The following CTNNBL1 variants were observed in gnomAD, a reference collection of about 807,000 sequenced individuals.
The protein encoded by CTNNBL1 is catenin beta like 1, also known as beta-catenin-like protein 1.
CTNNBL1 carries 31 observed loss-of-function variants against 72.7 expected under a neutral mutation model. The ratio of observed to expected loss-of-function variants is 0.43; its 90% CI spans 0.32 to 0.58. The LOEUF (loss-of-function observed/expected upper bound fraction) is 0.58. Ranked by LOEUF, CTNNBL1 falls within the 20% of genes least tolerant of loss-of-function variation. CTNNBL1 has a pLI of 0.08. For missense variants in CTNNBL1, 534 were observed against 725.1 expected, an observed-to-expected ratio of 0.74 and a Z score of 3.03; for synonymous variants, 240 against 267.3, an observed-to-expected ratio of 0.90 and a Z score of 1.00.
At chr20:37,763,680 C>A (rs115609774) in intron 5 of CTNNBL1, among the ~76,000 whole-genome samples, 1,811 of 152,156 alleles carry the variant, frequency 0.012, 39 homozygotes, top group African/African-American at 0.041. Context: ...TGGATGAGAT[C>A]GTTTCCTTCT....
chr20:37,743,031 C>T lies in CTNNBL1; in HGVS notation c.327-3437C>T, dbSNP rs62208406. 2.9e-3 allele frequency among the ~76,000 whole-genome samples: 448 copies of T among 152,080 alleles called. 1 individual carries two copies. The highest frequency in any genetic ancestry group is 4.5e-3 in the Non-Finnish European group (307 of 67,974). Reference sequence around the variant, plus strand: ...GTTGGCCAGGCAGGTCTCAAACTCCCGACCTCAAGTGACCCGCCCACCTTG... The same window carrying T: ...GTTGGCCAGGCAGGTCTCAAACTCCTGACCTCAAGTGACCCGCCCACCTTG... On this transcript the variant is annotated intron_variant, in intron 3 of 15. Coordinates refer to ENST00000361383, the MANE Select transcript of CTNNBL1 (RefSeq NM_030877.5).
chr20:37,694,061 C>A lies in CTNNBL1; in HGVS notation c.-62C>A. 2 of 1,565,726 alleles carry A rather than the reference C, an allele frequency of 1.3e-6. No individual in the cohort carries two copies. The highest frequency in any genetic ancestry group is 1.7e-6 in the Non-Finnish European group (2 of 1,152,054). On this transcript the variant is annotated 5_prime_UTR_variant, in exon 1 of 16. It adds an upstream start codon to the 5' untranslated region. Transcript: ENST00000361383. The stretch of plus-strand genomic sequence containing the variant: ...TACGGCAGTGTGGCTGGAGCCGCGG[C>A]TGACGGGCCCGCGGTCTGGGCGTGA...
intron 1 of CTNNBL1, among the ~76,000 whole-genome samples, chr20:37,714,866 G>C (rs2072972206): frequency 1.3e-5 from 2 of 152,058 alleles, no homozygotes; most frequent in Admixed American, 1.3e-4. Context: ...ACATCAGTAG[G>C]ATGGCTTTTT....
At position 37,863,064 on chromosome 20, in the gene CTNNBL1, C is replaced by G. The variant is rs1040363697; in HGVS notation, c.1603+2720C>G. ...AGCAATGCCAAGCAAATAATGGGAA[C>G]CAGTAACAATTTCAGACATTGTGGA... On this transcript the variant is annotated intron_variant, in intron 15 of 15. Coordinates refer to ENST00000361383, the MANE Select transcript of CTNNBL1 (RefSeq NM_030877.5). Among the ~76,000 whole-genome samples the G allele has an allele frequency of 6.6e-5, 10 of 152,146 alleles. 1 individual carries two copies. Among genetic ancestry groups the G allele is most frequent in the Admixed American group, 5.9e-4 (9 of 15,264 alleles).
intron 11 of CTNNBL1, among the ~76,000 whole-genome samples, chr20:37,831,659 C>T (rs1466673958): frequency 6.6e-6 from 1 of 152,176 alleles, no homozygotes; most frequent in Admixed American, 6.5e-5. Context: ...AATGACCGCA[C>T]CCAGCTGTAG....
At chr20:37,712,156 A>G (rs149744735) in intron 1 of CTNNBL1, among the ~76,000 whole-genome samples, 37 of 152,296 alleles carry the variant, frequency 2.4e-4, no homozygotes, top group African/African-American at 8.9e-4. Flanking sequence ...CACAATCTCC[A>G]CTTCTAAACA....
chr20:37,839,790 G>T (rs1466972254), intron 11 of CTNNBL1, among the ~76,000 whole-genome samples: 2 of 152,172 alleles, frequency 1.3e-5, no homozygotes, highest in South Asian at 2.1e-4. Flanking sequence ...GTAAAGGTGG[G>T]ATTAGTTTGA....
chr20:37,788,115 C>T (rs1185854860), intron 10 of CTNNBL1, among the ~76,000 whole-genome samples: 2 of 152,150 alleles, frequency 1.3e-5, no homozygotes, highest in African/African-American at 4.8e-5. Context: ...TTCCATGTCT[C>T]TTCCCCCACG....
At chr20:37,737,512 T>C in intron 3 of CTNNBL1, 28 bp downstream of exon 3, 1 of 1,477,736 alleles carries the variant, frequency 6.8e-7, no homozygotes, top group South Asian at 1.2e-5. Context: ...TGATACCATG[T>C]CTCCTCTGTG....
At chr20:37,779,736 G>A (rs2073609508) in intron 10 of CTNNBL1, among the ~76,000 whole-genome samples, 1 of 152,088 alleles carries the variant, frequency 6.6e-6, no homozygotes, top group Admixed American at 6.6e-5. Flanking sequence ...ATTGAAAGCA[G>A]CGTATCATTC....
intron 11 of CTNNBL1, among the ~76,000 whole-genome samples, chr20:37,826,086 G>A (rs1361488014): frequency 6.6e-6 from 1 of 152,166 alleles, no homozygotes; most frequent in African/African-American, 2.4e-5. Context: ...GAAACTTCAT[G>A]CCTTCTGCCC....
At chr20:37,743,409 A>G (rs963283427) in intron 3 of CTNNBL1, among the ~76,000 whole-genome samples, 1 of 152,138 alleles carries the variant, frequency 6.6e-6, no homozygotes, top group Non-Finnish European at 1.5e-5. Flanking sequence ...AGTGATCTAA[A>G]AAAATAATCT....
Position 37,746,549 on chromosome 20 carries a change from T to C in CTNNBL1, c.408T>C (p.Leu136=), listed in dbSNP as rs377178252. 1.8e-5 allele frequency: 29 copies of C among 1,613,988 alleles called. No homozygotes were observed. Among genetic ancestry groups the C allele is most frequent in the Non-Finnish European group, 1.2e-5 (14 of 1,179,972 alleles). ...VVATMPDLYH[L]LVELNAVQSL... ...CCACCATGCCAGACCTGTACCACCT[T>C]CTGGTGGAGCTGAATGCTGTACAGT... The change falls in exon 4 of 16, where the codon CTT becomes CTC. Residue 136 remains leucine, a synonymous_variant. Coordinates refer to ENST00000361383, the MANE Select transcript of CTNNBL1 (RefSeq NM_030877.5).
intron 11 of CTNNBL1, among the ~76,000 whole-genome samples, chr20:37,807,711 A>G (rs1469941222): frequency 6.6e-6 from 1 of 152,188 alleles, no homozygotes; most frequent in African/African-American, 2.4e-5. Flanking sequence ...ATTGAAATCC[A>G]TTTAGGTTTG....
At chr20:37,812,846 A>G (rs1345814390) in intron 11 of CTNNBL1, among the ~76,000 whole-genome samples, 1 of 152,214 alleles carries the variant, frequency 6.6e-6, no homozygotes, top group African/African-American at 2.4e-5. Flanking sequence ...GTAAAGATGT[A>G]GAAGGAAGTA....
intron 15 of CTNNBL1, among the ~76,000 whole-genome samples, chr20:37,860,832 GT>G (rs777038973): frequency 1.3e-4 from 20 of 152,088 alleles, no homozygotes; most frequent in Admixed American, 2.6e-4. Flanking sequence ...ATAGTATATT[GT>G]TATAATTGTT....
At chr20:37,773,909 C>CTTTTTTTTTTTTTTTTTTTTTTTTTTTTT (rs1176688817) in intron 7 of CTNNBL1, among the ~76,000 whole-genome samples, 1 of 104,646 alleles carries the variant, frequency 9.6e-6, no homozygotes. Flanking sequence ...TTCTTTCTCT[C>CTTTTTTTTTTTTTTTTTTTTTTTTTTTTT]TTTTTTTTTT....
In CTNNBL1 at chr20:37,865,945, G is replaced by C. The variant is rs575334078; in HGVS notation, c.1603+5601G>C. 2.6e-5 allele frequency among the ~76,000 whole-genome samples: 4 copies of C among 152,350 alleles called. No individual in the cohort carries two copies. The South Asian group carries it at 8.3e-4, about 32-fold the overall frequency. On this transcript the variant is annotated intron_variant, in intron 15 of 15. Coordinates refer to ENST00000361383, the MANE Select transcript of CTNNBL1 (RefSeq NM_030877.5). ...TATGGTTTAAAATCTCCTCCTAGTA[G>C]CTCATAAACATGTATTTCCATATTG...
chr20:37,830,829 A>C (rs2072202515), intron 11 of CTNNBL1, among the ~76,000 whole-genome samples: 1 of 152,228 alleles, frequency 6.6e-6, no homozygotes, highest in Non-Finnish European at 1.5e-5. Context: ...TTTTTTAAAA[A>C]AGTGTTGACT....
Sources: allele counts gnomAD v4.1 joint callset (sites outside exome capture counted in the v4.1 genomes callset), GRCh38; gene constraint gnomAD v4.1.1; transcripts MANE v1.5; gene names NCBI Gene and HGNC (gene_info 2026-07-23, HGNC 2026-07-21).